Variants in FRMPD4 observed in about 807,000 individuals in gnomAD.
FRMPD4 encodes FERM and PDZ domain containing 4, also known as FERM and PDZ domain-containing protein 4.
Under a neutral mutation model 94.1 loss-of-function variants are expected in FRMPD4, and 22 were observed. The observed-to-expected ratio is 0.23, with a 90% confidence interval of 0.17 to 0.33. The LOEUF (loss-of-function observed/expected upper bound fraction) is 0.33. FRMPD4 is among the 10% of genes least tolerant of loss of function. The pLI is 1.00. For synonymous variants in FRMPD4, 631 were observed against 548.6 expected (o/e 1.15, Z -2.10); for missense variants, 1,111 against 1,339.9 (o/e 0.83, Z 2.67).
intron 5 of FRMPD4, among the ~76,000 whole-genome samples, chrX:12,681,111 C>T (rs773235739): frequency 3.6e-5 from 4 of 111,937 alleles, no homozygotes; most frequent in Admixed American, 9.4e-5. Context: ...ACTGAACACA[C>T]GTGAAACATT....
intron 3 of FRMPD4, among the ~76,000 whole-genome samples, chrX:12,039,212 TA>T (rs1450056592): frequency 1.0e-4 from 11 of 106,403 alleles, no homozygotes; most frequent in Middle Eastern, 4.7e-3. Context: ...TTTATTTATT[TA>T]TTTATTTTTA....
chrX:12,256,995 T>C (rs1384696914), intron 1 of FRMPD4, among the ~76,000 whole-genome samples: 1 of 112,245 alleles, frequency 8.9e-6, no homozygotes, highest in African/African-American at 3.2e-5. Flanking sequence ...AAAAATATTT[T>C]CCAGAAAAGA....
intron 3 of FRMPD4, among the ~76,000 whole-genome samples, chrX:11,945,143 T>C (rs907891257): frequency 4.5e-5 from 5 of 111,514 alleles, no homozygotes; most frequent in African/African-American, 1.6e-4. Context: ...AACCTCATTT[T>C]CTTGCCCCTC....
intron 4 of FRMPD4, among the ~76,000 whole-genome samples, chrX:12,670,723 C>T (rs184285176): frequency 2.9e-4 from 33 of 111,889 alleles, no homozygotes; most frequent in African/African-American, 9.4e-4. Flanking sequence ...GCTACGAAAG[C>T]CAAAATTGAC....
intron 8 of FRMPD4, among the ~76,000 whole-genome samples, chrX:12,691,865 C>T (rs1445815750): frequency 9.1e-6 from 1 of 109,608 alleles, no homozygotes; most frequent in Non-Finnish European, 1.9e-5. Context: ...GGACATGTGC[C>T]TACTGACATG....
At chrX:12,052,806 C>G (rs767589254) in intron 3 of FRMPD4, among the ~76,000 whole-genome samples, 9 of 111,476 alleles carry the variant, frequency 8.1e-5, no homozygotes, top group Non-Finnish European at 1.5e-4. Context: ...ACAATCACCA[C>G]CAACAAAAAG....
chrX:12,297,801 AT>A (rs1403702231), intron 1 of FRMPD4, among the ~76,000 whole-genome samples: 1 of 111,401 alleles, frequency 9.0e-6, no homozygotes. Context: ...AAGAAAAAGA[AT>A]TAGCCCCCCC....
intron 3 of FRMPD4, among the ~76,000 whole-genome samples, chrX:12,056,267 G>C (rs1045791162): frequency 1.8e-5 from 2 of 111,619 alleles, no homozygotes; most frequent in African/African-American, 6.5e-5. Context: ...TAGGTACAGG[G>C]AGAATTTTCT....
At chrX:12,183,742 A>G (rs2056390249) in intron 1 of FRMPD4, among the ~76,000 whole-genome samples, 1 of 110,994 alleles carries the variant, frequency 9.0e-6, no homozygotes, top group Non-Finnish European at 1.9e-5. Context: ...ATGTCTTCCC[A>G]CTGATAGACA....
intron 2 of FRMPD4, among the ~76,000 whole-genome samples, chrX:12,532,968 CTGTG>C (rs767168413): frequency 9.0e-6 from 1 of 111,646 alleles, no homozygotes; most frequent in East Asian, 2.8e-4. Flanking sequence ...CTTTGTAATC[CTGTG>C]TATTTTATTT....
At chrX:12,463,720 T>C (rs779315998) in intron 1 of FRMPD4, among the ~76,000 whole-genome samples, 1 of 84,077 alleles carries the variant, frequency 1.2e-5, no homozygotes, top group East Asian at 3.8e-4. Flanking sequence ...TAACAGAGCA[T>C]GAAATAAGGG....
chrX:12,180,381 A>G (rs766808619), intron 1 of FRMPD4, among the ~76,000 whole-genome samples: 2 of 111,574 alleles, frequency 1.8e-5, no homozygotes, highest in African/African-American at 3.3e-5. Context: ...AGGTAATGCT[A>G]GTTTTAGATC....
chrX:12,157,738 G>T (rs1230224126), intron 1 of FRMPD4, among the ~76,000 whole-genome samples: 1 of 111,995 alleles, frequency 8.9e-6, no homozygotes, highest in East Asian at 2.8e-4. Context: ...GTCCTGAAAG[G>T]GCTCTAAGTC....
intron 1 of FRMPD4, among the ~76,000 whole-genome samples, chrX:12,327,320 C>T (rs1332206076): frequency 1.8e-5 from 2 of 111,838 alleles, no homozygotes; most frequent in Non-Finnish European, 3.8e-5. Context: ...TTGTTATTGC[C>T]GTGTTTTAAT....
intron 5 of FRMPD4, among the ~76,000 whole-genome samples, chrX:12,678,360 T>C (rs980610586): frequency 2.7e-5 from 3 of 112,706 alleles, no homozygotes; most frequent in Admixed American, 1.9e-4. Flanking sequence ...GGGTTACTCA[T>C]GGGTTTTATT....
chrX:12,339,418 C>A (rs961086477), intron 1 of FRMPD4, among the ~76,000 whole-genome samples: 1 of 111,392 alleles, frequency 9.0e-6, no homozygotes, highest in African/African-American at 3.3e-5. Flanking sequence ...CATCTTTAAC[C>A]CCACTGATTA....
chrX:11,857,456 A>G (rs769360862), intron 1 of FRMPD4, among the ~76,000 whole-genome samples: 1 of 112,740 alleles, frequency 8.9e-6, no homozygotes, highest in East Asian at 2.8e-4. Context: ...AAAATGGGGA[A>G]AAGATTCCCT....
At position 12,074,028 on chromosome X, in the gene FRMPD4, T is replaced by C. The variant is rs751188748; in HGVS notation, c.95+196010T>C. ...TTTTCAAGTTTTCTGCTGGATTGTTTGCTAAATTTTCTTACTAATTTGTAG... is the reference window on the plus strand; with the variant it reads ...TTTTCAAGTTTTCTGCTGGATTGTTCGCTAAATTTTCTTACTAATTTGTAG... On this transcript the variant is annotated intron_variant, in intron 3 of 18. Transcript: ENST00000640291. 2.7e-5 allele frequency among the ~76,000 whole-genome samples: 3 copies of C among 112,319 alleles called. No homozygotes were observed. The South Asian group carries it at 1.1e-3, about 41-fold the overall frequency.
chrX:12,342,652 G>A (rs762642087), intron 1 of FRMPD4, among the ~76,000 whole-genome samples: 1 of 112,227 alleles, frequency 8.9e-6, no homozygotes, highest in South Asian at 3.7e-4. Flanking sequence ...TGTTTGTGGA[G>A]CAGTGTCAGA....
Sources: allele counts gnomAD v4.1 joint callset (sites outside exome capture counted in the v4.1 genomes callset), GRCh38; gene constraint gnomAD v4.1.1; transcripts MANE v1.5; gene names NCBI Gene and HGNC (gene_info 2026-07-23, HGNC 2026-07-21).